The following ANO6 variants were observed in gnomAD, a reference collection of about 807,000 sequenced individuals.
The protein encoded by ANO6 is anoctamin 6, also known as anoctamin-6.
A neutral mutation model predicts 117.5 loss-of-function variants in ANO6; 106 were observed. That is an observed-to-expected ratio of 0.90 (90% CI 0.77 to 1.06). ANO6 has a LOEUF of 1.06. Ranked by LOEUF, ANO6 falls within the 50% of genes least tolerant of loss-of-function variation. The pLI, the probability that ANO6 is intolerant of heterozygous loss-of-function variation, is 0.00. For missense variants in ANO6, 955 were observed against 1,121.1 expected, an observed-to-expected ratio of 0.85 and a Z score of 2.12; for synonymous variants, 367 against 385.1, an observed-to-expected ratio of 0.95 and a Z score of 0.55.
At chr12:45,422,116 G>T (rs1010167953) in intron 18 of ANO6, among the ~76,000 whole-genome samples, 1 of 152,116 alleles carries the variant, frequency 6.6e-6, no homozygotes, top group Non-Finnish European at 1.5e-5. Context: ...ATTCTAATCA[G>T]AAATTAAACT....
intron 1 of ANO6, among the ~76,000 whole-genome samples, chr12:45,251,114 G>C (rs1215240832): frequency 6.6e-6 from 1 of 152,106 alleles, no homozygotes; most frequent in Non-Finnish European, 1.5e-5. Context: ...TAGTGAAAGT[G>C]GAGGTGAGAT....
intron 2 of ANO6, among the ~76,000 whole-genome samples, chr12:45,330,962 G>GT (rs1003010070): frequency 4.6e-5 from 7 of 151,586 alleles, no homozygotes; most frequent in East Asian, 1.9e-4. Flanking sequence ...TGGATAGGCA[G>GT]TTTTTTTTAC....
chr12:45,259,995 TCA>T (rs1338771253), intron 1 of ANO6, among the ~76,000 whole-genome samples: 3 of 152,220 alleles, frequency 2.0e-5, no homozygotes, highest in Non-Finnish European at 2.9e-5. Flanking sequence ...CCAGGCAGAT[TCA>T]GTGTCCTTCT....
At chr12:45,332,310 T>A (rs113726374) in intron 3 of ANO6, among the ~76,000 whole-genome samples, 3,559 of 63,380 alleles carry the variant, frequency 0.056, 136 homozygotes, top group African/African-American at 0.15. Flanking sequence ...TCTCTCTCTC[T>A]CACACACACA....
At chr12:45,318,769 T>A (rs959022060) in intron 2 of ANO6, among the ~76,000 whole-genome samples, 2 of 152,218 alleles carry the variant, frequency 1.3e-5, no homozygotes, top group Non-Finnish European at 2.9e-5. Flanking sequence ...TGGAATGTTC[T>A]TCCATTTGTT....
chr12:45,323,282 T>G (rs1320207595), intron 2 of ANO6, among the ~76,000 whole-genome samples: 1 of 152,170 alleles, frequency 6.6e-6, no homozygotes, highest in Non-Finnish European at 1.5e-5. Context: ...ACTCCTTAAT[T>G]TGAGAGAATT....
chr12:45,403,132 A>G lies in ANO6; in HGVS notation c.1673A>G (p.Gln558Arg), dbSNP rs1188254866. 1.2e-6 allele frequency: 2 copies of G among 1,613,946 alleles called. No homozygotes were observed. Among genetic ancestry groups the G allele is most frequent in the Admixed American group, 3.3e-5 (2 of 60,004 alleles). ...NSLTMKMFLFQFVNYYSSCFY... is the reference protein window; with the variant it reads ...NSLTMKMFLFRFVNYYSSCFY... ...CTCACCATGAAGATGTTCTTATTCC[A>G]GTTTGTCAACTACTACTCTTCATGC... is the stretch of plus-strand genomic sequence containing the variant. Residue 558 changes from glutamine (Q) to arginine (R), a missense_variant, in exon 14 of 20, where the codon CAG becomes CGG. Transcript: ENST00000320560.
At chr12:45,415,037 G>A (rs1279404765) in intron 16 of ANO6, among the ~76,000 whole-genome samples, 1 of 152,000 alleles carries the variant, frequency 6.6e-6, no homozygotes, top group Non-Finnish European at 1.5e-5. Flanking sequence ...GGATTACAGA[G>A]ATTAGCTGCC....
intron 1 of ANO6, among the ~76,000 whole-genome samples, chr12:45,255,808 CT>C (rs1417098172): frequency 3.0e-5 from 4 of 131,968 alleles, no homozygotes; most frequent in Non-Finnish European, 6.2e-5. Context: ...CCCAGGTTTT[CT>C]CCCTGGGTGT....
At chr12:45,316,787 A>C (rs926893132) in intron 2 of ANO6, among the ~76,000 whole-genome samples, 7 of 151,372 alleles carry the variant, frequency 4.6e-5, no homozygotes, top group African/African-American at 1.7e-4. Flanking sequence ...GTATTATACT[A>C]TTATAACATA....
Position 45,430,172 on chromosome 12 carries a change from T to C in ANO6, c.*861T>C, listed in dbSNP as rs1218530805. 1.0e-6 allele frequency: 1 copy of C among 985,434 alleles called. No homozygotes were observed. The allele number at this position is 985,434 out of a possible 1,614,324, so 61.0% of individuals were successfully genotyped here. A position where few individuals can be genotyped will look rare whatever the true frequency, so the allele number is the denominator to read the frequency against. ...TGTAGTTTCTTGGAAAACAGTGATA[T>C]CACATGATTAAAATTACATTTTTAT... On this transcript the variant is annotated 3_prime_UTR_variant, in exon 20 of 20. Coordinates refer to ENST00000320560, the MANE Select transcript of ANO6 (RefSeq NM_001025356.3).
intron 1 of ANO6, among the ~76,000 whole-genome samples, chr12:45,220,480 T>C (rs576766070): frequency 2.0e-5 from 3 of 152,350 alleles, no homozygotes; most frequent in African/African-American, 4.8e-5. Flanking sequence ...AATCTGATAC[T>C]AGCCCCAGTC....
intron 1 of ANO6, among the ~76,000 whole-genome samples, chr12:45,246,166 G>A (rs982752809): frequency 7.9e-5 from 12 of 151,870 alleles, no homozygotes; most frequent in East Asian, 7.7e-4. Context: ...AGTTTATACC[G>A]GGGCTCACTT....
intron 12 of ANO6, among the ~76,000 whole-genome samples, chr12:45,393,359 A>C (rs1462884609): frequency 6.6e-6 from 1 of 152,238 alleles, no homozygotes; most frequent in African/African-American, 2.4e-5. Flanking sequence ...AAGACCAAAT[A>C]TGTGTTTGAT....
chr12:45,374,849 G>C (rs1433645804), intron 9 of ANO6, among the ~76,000 whole-genome samples: 1 of 152,152 alleles, frequency 6.6e-6, no homozygotes, highest in Non-Finnish European at 1.5e-5. Flanking sequence ...GGAAGTTCTG[G>C]CCAGGGCAAT....
chr12:45,283,357 G>A (rs1450636825), intron 1 of ANO6, among the ~76,000 whole-genome samples: 2 of 152,176 alleles, frequency 1.3e-5, no homozygotes, highest in African/African-American at 4.8e-5. Context: ...CTGTGGGAAT[G>A]GGAGTCATGG....
At chr12:45,255,629 C>G (rs1037454351) in intron 1 of ANO6, among the ~76,000 whole-genome samples, 6 of 152,092 alleles carry the variant, frequency 3.9e-5, no homozygotes, top group Non-Finnish European at 8.8e-5. Flanking sequence ...CATTTTTAAA[C>G]AAAACTTTTT....
At chr12:45,420,966 A>C in intron 17 of ANO6, 105 bp from the exon 18 acceptor site, 1 of 1,227,218 alleles carries the variant, frequency 8.1e-7, no homozygotes, top group African/African-American at 1.5e-5. Context: ...TGGAGGTTGC[A>C]GTGAGCCGAG....
At chr12:45,272,655 A>G (rs1592902162) in intron 1 of ANO6, among the ~76,000 whole-genome samples, 1 of 152,214 alleles carries the variant, frequency 6.6e-6, no homozygotes. Flanking sequence ...GTTGATGAGA[A>G]AAAGTGTTGG....
Sources: gnomAD v4.1 joint callset for allele counts (sites outside exome capture counted in the v4.1 genomes callset) on GRCh38, gnomAD v4.1.1 for gene constraint, MANE v1.5 for transcripts, NCBI Gene and HGNC (gene_info 2026-07-23, HGNC 2026-07-21) for gene names.